BUB1B: variants seen among roughly 807,000 people sequenced by gnomAD.
The protein encoded by BUB1B is BUB1 mitotic checkpoint serine/threonine kinase B.
A neutral mutation model predicts 137.7 loss-of-function variants in BUB1B; 86 were observed. The observed-to-expected ratio is 0.62, with a 90% CI of 0.52 to 0.75. The LOEUF (loss-of-function observed/expected upper bound fraction) is 0.75, where lower values mean the gene tolerates loss of function less well. Among genes scored for constraint, BUB1B ranks in the 30% least tolerant of loss-of-function variants. The pLI is 0.00. For synonymous variants in BUB1B, 420 were observed against 417.9 expected (o/e 1.00, Z -0.06); for missense variants, 1,130 against 1,236.9 (o/e 0.91, Z 1.30).
chr15:40,209,909 A>G (rs946739768), intron 17 of BUB1B, 134 bp downstream of exon 17: 26 of 1,136,394 alleles, frequency 2.3e-5, no homozygotes, highest in Non-Finnish European at 2.9e-5. Flanking sequence ...ATAGAGGATG[A>G]CACATCAGTA....
intron 7 of BUB1B, 56 bp downstream of exon 7, chr15:40,185,435 G>A (rs537943729): frequency 6.9e-6 from 11 of 1,595,982 alleles, no homozygotes; most frequent in African/African-American, 1.3e-5. Context: ...CACATTTAGG[G>A]TAGAGAAGTA....
intron 5 of BUB1B, among the ~76,000 whole-genome samples, chr15:40,181,710 A>G (rs753978946): frequency 5.9e-5 from 9 of 152,092 alleles, no homozygotes; most frequent in Non-Finnish European, 1.3e-4. Context: ...AGGTTCACTT[A>G]TTCTTTTCTC....
intron 5 of BUB1B, among the ~76,000 whole-genome samples, chr15:40,177,518 T>A (rs2037236566): frequency 6.6e-6 from 1 of 152,228 alleles, no homozygotes; most frequent in African/African-American, 2.4e-5. Flanking sequence ...CCTTGATTTT[T>A]AAAAAATCAG....
At chr15:40,216,740 G>A (rs2037797611) in intron 20 of BUB1B, among the ~76,000 whole-genome samples, 1 of 151,328 alleles carries the variant, frequency 6.6e-6, no homozygotes, top group South Asian at 2.1e-4. Context: ...TAGGAATATT[G>A]CACCAATATC....
chr15:40,164,236 G>T (rs945128717), intron 1 of BUB1B, among the ~76,000 whole-genome samples: 1 of 149,098 alleles, frequency 6.7e-6, no homozygotes, highest in Non-Finnish European at 1.5e-5. Context: ...TAATTTTAAT[G>T]TTTTTTTTTT....
intron 15 of BUB1B, 43 bp downstream of exon 15, chr15:40,206,501 C>G: frequency 1.2e-6 from 2 of 1,611,400 alleles, no homozygotes; most frequent in Non-Finnish European, 1.7e-6. Context: ...ATTGTTTACT[C>G]TCTTATTCTG....
At position 40,165,153 on chromosome 15, in the gene BUB1B, G is replaced by A. The variant is rs750858057; in HGVS notation, c.136G>A (p.Ala46Thr). The A allele has an allele frequency of 6.2e-7, 1 of 1,614,176 alleles. No individual in the cohort carries two copies. The highest frequency in any genetic ancestry group is 8.5e-7 in the Non-Finnish European group (1 of 1,180,030). Reference sequence around the variant, plus strand: ...CATGTCCACGCTTCAGGGAGCACTGGCACAAGAATCTGCCTGTAACAATAC... The same window carrying A: ...CATGTCCACGCTTCAGGGAGCACTGACACAAGAATCTGCCTGTAACAATAC... ...RIMSTLQGALAQESACNNTLQ... is the reference protein window; with the variant it reads ...RIMSTLQGALTQESACNNTLQ... The change falls in exon 2 of 23, where the codon GCA (alanine) becomes ACA (threonine). Residue 46 changes from alanine (A) to threonine (T), a missense_variant. By Grantham distance (58) the Ala-to-Thr change is moderately conservative (BLOSUM62 0). Transcript: ENST00000287598.
At position 40,185,537 on chromosome 15, in the gene BUB1B, T is replaced by C. The variant is rs2037349823; in HGVS notation, c.967-14T>C. On this transcript the variant is annotated splice_polypyrimidine_tract_variant and intron_variant, in intron 7 of 22. Transcript: ENST00000287598. ...TAAAACTATGGTAATTTTAGTTTTC[T>C]TCTTCATCTCCAGCCTCGTGGCAAT... 6.2e-7 allele frequency: 1 copy of C among 1,613,822 alleles called. No individual in the cohort carries two copies. Among genetic ancestry groups the C allele is most frequent in the Non-Finnish European group, 8.5e-7 (1 of 1,179,704 alleles).
chr15:40,218,315 G>C, intron 21 of BUB1B, 141 bp from the exon 22 acceptor site: 1 of 705,762 alleles, frequency 1.4e-6, no homozygotes, highest in Non-Finnish European at 2.6e-6. Flanking sequence ...TTACTGTAAG[G>C]GTGAGGAACA....
Position 40,185,707 on chromosome 15 carries a change from A to G in BUB1B, c.1058+65A>G, listed in dbSNP as rs1158247549. On this transcript the variant is annotated intron_variant, in intron 8 of 22. Coordinates refer to ENST00000287598, the MANE Select transcript of BUB1B (RefSeq NM_001211.6). ...AAGGGTGGGCAGAGGCACCTATTCTACTTCCCAAAGGCAGTTTCTTCTTTA... is the reference window on the plus strand; with the variant it reads ...AAGGGTGGGCAGAGGCACCTATTCTGCTTCCCAAAGGCAGTTTCTTCTTTA... The G allele has an allele frequency of 2.1e-6, 3 of 1,460,024 alleles. No individual in the cohort carries two copies. In the African/African-American group the frequency reaches 4.2e-5, roughly 20 times the overall value. The allele number at this position is 1,460,024 out of a possible 1,614,324, so 90.4% of individuals were successfully genotyped here.
intron 8 of BUB1B, among the ~76,000 whole-genome samples, chr15:40,194,130 C>T (rs1426137501): frequency 6.6e-6 from 1 of 151,958 alleles, no homozygotes; most frequent in African/African-American, 2.4e-5. Context: ...TCTTTTTTCC[C>T]CTTTTTTACA....
chr15:40,188,336 C>T (rs893342265), intron 8 of BUB1B, among the ~76,000 whole-genome samples: 8 of 152,120 alleles, frequency 5.3e-5, no homozygotes, highest in Non-Finnish European at 1.2e-4. Flanking sequence ...AGCCACCATG[C>T]CCGACCTAAA....
At chr15:40,181,725 A>G (rs1019553188) in intron 5 of BUB1B, among the ~76,000 whole-genome samples, 2 of 151,856 alleles carry the variant, frequency 1.3e-5, no homozygotes, top group East Asian at 1.9e-4. Context: ...TTTCTCTTCC[A>G]TCTCCATCCT....
chr15:40,190,492 T>C (rs1278964278), intron 8 of BUB1B, among the ~76,000 whole-genome samples: 1 of 152,160 alleles, frequency 6.6e-6, no homozygotes, highest in Non-Finnish European at 1.5e-5. Flanking sequence ...CACATGCCTA[T>C]GGTTTCCGTT....
chr15:40,192,772 G>A (rs928932999), intron 8 of BUB1B, among the ~76,000 whole-genome samples: 1 of 152,170 alleles, frequency 6.6e-6, no homozygotes, highest in Admixed American at 6.5e-5. Context: ...GCCACGATTT[G>A]TTTATCCATT....
chr15:40,179,946 T>A (rs1322142681), intron 5 of BUB1B, among the ~76,000 whole-genome samples: 1 of 146,012 alleles, frequency 6.8e-6, no homozygotes, highest in Admixed American at 6.9e-5. Context: ...CCAGACAATA[T>A]TTTGTTTTGC....
At position 40,210,118 on chromosome 15, in the gene BUB1B, G is replaced by T; in HGVS notation, c.2293G>T (p.Asp765Tyr). Residue 765 changes from aspartate to tyrosine, a missense_variant, in exon 18 of 23, where the codon GAT becomes TAT. Asp to Tyr is a radical substitution (Grantham distance 160). Transcript: ENST00000287598. ...IEKEIELGNE[D>Y]YCIKREYLIC... ...TCAAACTTTCTCAACAGGTAATGAG[G>T]ATTACTGCATTAAACGAGAATACCT... 1 of 1,608,032 alleles carries T rather than the reference G, an allele frequency of 6.2e-7. No homozygotes were observed.
chr15:40,178,605 T>C (rs994866514), intron 5 of BUB1B, among the ~76,000 whole-genome samples: 18 of 152,168 alleles, frequency 1.2e-4, no homozygotes, highest in African/African-American at 4.1e-4. Context: ...TCTGGTCTTC[T>C]GTATCATTGA....
chr15:40,179,967 C>CATATATATAT lies in BUB1B; in HGVS notation c.581+3307_581+3316dup, dbSNP rs34339420. On this transcript the variant is annotated intron_variant, in intron 5 of 22. Transcript: ENST00000287598. ...AATATTTTGTTTTGCTTTCAAAAGC[C>CATATATATAT]ATATATATATATATATATATATCTC... is the stretch of plus-strand genomic sequence containing the variant. Among the ~76,000 whole-genome samples, 820 of 143,524 alleles carry CATATATATAT rather than the reference C, an allele frequency of 5.7e-3. 7 individuals carry two copies. Among genetic ancestry groups the CATATATATAT allele is most frequent in the African/African-American group, 0.02 (743 of 37,822 alleles). 94.2% of individuals were successfully genotyped at this position (143,524 alleles called of 152,430 possible).
Sources: gnomAD v4.1 joint callset for allele counts (sites outside exome capture counted in the v4.1 genomes callset) on GRCh38, gnomAD v4.1.1 for gene constraint, MANE v1.5 for transcripts, NCBI Gene and HGNC (gene_info 2026-07-23, HGNC 2026-07-21) for gene names.